The following TRABD variants were observed in gnomAD, a reference collection of about 807,000 sequenced individuals.
The protein encoded by TRABD is traB domain-containing protein.
A neutral mutation model predicts 39.6 loss-of-function variants in TRABD; 23 were observed. The ratio of observed to expected loss-of-function variants is 0.58; its 90% confidence interval spans 0.42 to 0.82. The LOEUF (loss-of-function observed/expected upper bound fraction) is 0.82. Among genes scored for constraint, TRABD ranks in the 40% least tolerant of loss-of-function variants. TRABD has a pLI of 0.00. For synonymous variants in TRABD, 243 were observed against 232.1 expected, an observed-to-expected ratio of 1.05 and a Z score of -0.43; for missense variants, 487 against 544.9, an observed-to-expected ratio of 0.89 and a Z score of 1.06.
chr22:50,190,568 G>A (rs754674851), intron 1 of TRABD: 2 of 152,368 alleles, frequency 1.3e-5, no homozygotes, highest in Non-Finnish European at 2.9e-5. Context: ...CTCCCGCCCG[G>A]CTGCACAGGA....
intron 1 of TRABD, among the ~76,000 whole-genome samples, chr22:50,188,323 G>C (rs1030430236): frequency 6.6e-6 from 1 of 152,156 alleles, no homozygotes; most frequent in South Asian, 2.1e-4. Context: ...GCCCAGACTG[G>C]TCTTAAACTC....
intron 1 of TRABD, among the ~76,000 whole-genome samples, chr22:50,187,853 G>A (rs1183652149): frequency 1.3e-5 from 2 of 152,070 alleles, no homozygotes; most frequent in African/African-American, 4.8e-5. Flanking sequence ...AGTGGCAGGC[G>A]CCTGTAGTCC....
In TRABD at chr22:50,198,571, A is replaced by G; in HGVS notation, c.*52A>G. 6 of 1,448,632 alleles carry G rather than the reference A, an allele frequency of 4.1e-6. No homozygotes were observed. The highest frequency in any genetic ancestry group is 5.4e-6 in the Non-Finnish European group (6 of 1,103,768). The allele number at this position is 1,448,632 out of a possible 1,614,324, so 89.7% of individuals were successfully genotyped here. Reference sequence around the variant, plus strand: ...CCTGAGGAGCCAGTGCCCCCGCGGCACTTCTGGGTGCCAGGTGCATCCTAG... The same window carrying G: ...CCTGAGGAGCCAGTGCCCCCGCGGCGCTTCTGGGTGCCAGGTGCATCCTAG... On this transcript the variant is annotated 3_prime_UTR_variant, in exon 10 of 10. Transcript: ENST00000380909. This position sits in a 1 kb window ranked among gnomAD's most constrained non-coding sequence, Gnocchi z 7.9.
intron 7 of TRABD, 60 bp from the exon 8 acceptor site, chr22:50,197,763 A>AGCCCCCCCCCCCCCCCCCCGGT: frequency 6.9e-7 from 1 of 1,439,780 alleles, no homozygotes; most frequent in Non-Finnish European, 9.7e-7. Flanking sequence ...CCACAGTGCC[A>AGCCCCCCCCCCCCCCCCCCGGT]GCCCCACCCC....
chr22:50,196,220 C>G (rs1300304863), intron 5 of TRABD, among the ~76,000 whole-genome samples: 1 of 152,200 alleles, frequency 6.6e-6, no homozygotes. Context: ...AGCTCAGACC[C>G]CAGCCCCTCC....
At chr22:50,194,767 C>T in intron 4 of TRABD, 133 bp from the exon 5 acceptor site, 1 of 1,355,578 alleles carries the variant, frequency 7.4e-7, no homozygotes, top group Non-Finnish European at 9.9e-7. Context: ...GTCACTGCAG[C>T]AGCGGGGTTA....
chr22:50,191,813 A>T (rs942980672), intron 1 of TRABD: 4 of 152,168 alleles, frequency 2.6e-5, no homozygotes, highest in African/African-American at 9.7e-5. Context: ...GTGCAGTGAC[A>T]GGATCTCGGC....
chr22:50,199,548 C>T lies in TRABD; in HGVS notation c.*1029C>T, dbSNP rs183902725. On this transcript the variant is annotated 3_prime_UTR_variant, in exon 10 of 10. Transcript: ENST00000380909. ...AGCCGGCTGTGTCCTTCCTGCCACACTCGGGGATTCATTCCTTAGAAACTG... is the reference window on the plus strand; with the variant it reads ...AGCCGGCTGTGTCCTTCCTGCCACATTCGGGGATTCATTCCTTAGAAACTG... 1 of 167,116 alleles carries T rather than the reference C, an allele frequency of 6.0e-6. No homozygotes were observed. The highest frequency in any genetic ancestry group is 1.7e-4 in the East Asian group (1 of 5,958). 10.4% of individuals were successfully genotyped at this position (167,116 alleles called of 1,614,324 possible). A position where few individuals can be genotyped will look rare whatever the true frequency, so the allele number is the denominator to read the frequency against.
intron 5 of TRABD, 111 bp downstream of exon 5, chr22:50,195,151 T>C: frequency 7.3e-7 from 1 of 1,360,854 alleles, no homozygotes; most frequent in Non-Finnish European, 9.8e-7. Flanking sequence ...TGGCTGTGCC[T>C]GGCCTGCCCT....
At chr22:50,187,959 A>G (rs1454962569) in intron 1 of TRABD, among the ~76,000 whole-genome samples, 2 of 146,144 alleles carry the variant, frequency 1.4e-5, no homozygotes, top group Admixed American at 6.8e-5. Flanking sequence ...CAGCGTGGGC[A>G]ACAGAGTGTG....
chr22:50,193,512 G>A (rs1444238057), intron 2 of TRABD, 64 bp from the exon 3 acceptor site: 2 of 1,497,612 alleles, frequency 1.3e-6, no homozygotes, highest in Non-Finnish European at 1.9e-6. Flanking sequence ...CCGTGGAGTT[G>A]CCACGGAGCC....
rs1279959582 is a variant in TRABD at position 50,198,666 on chromosome 22, AC to A, written c.*151del. ...CCTCGCCTGCCCTCCTGGGCCAGTC[AC>A]CCCTCCCCCAGCCCACCCAAATAAA... On this transcript the variant is annotated 3_prime_UTR_variant, in exon 10 of 10. Coordinates refer to ENST00000380909, the MANE Select transcript of TRABD (RefSeq NM_001320485.2). This position sits in a 1 kb window ranked among gnomAD's most constrained non-coding sequence, Gnocchi z 7.9. 1.4e-6 allele frequency: 1 copy of A among 722,838 alleles called. No individual in the cohort carries two copies. The allele number at this position is 722,838 out of a possible 1,614,324, so 44.8% of individuals were successfully genotyped here.
Position 50,199,361 on chromosome 22 carries a change from C to G in TRABD, c.*842C>G. 2.2e-6 allele frequency: 1 copy of G among 459,640 alleles called. No homozygotes were observed. The highest frequency in any genetic ancestry group is 3.9e-6 in the Non-Finnish European group (1 of 255,216). The allele number at this position is 459,640 out of a possible 1,614,324, so 28.5% of individuals were successfully genotyped here. ...GAAGGCCAAGGACATGGGCTGTGGC[C>G]AGGCCTGTCCCGCTCAGGCCCCCTG... On this transcript the variant is annotated 3_prime_UTR_variant, in exon 10 of 10. Transcript: ENST00000380909.
chr22:50,197,648 C>T, intron 7 of TRABD, 60 bp downstream of exon 7: 2 of 1,598,724 alleles, frequency 1.3e-6, no homozygotes, highest in South Asian at 1.1e-5. Context: ...GGCTCCAGGC[C>T]CTCCTGTGCA....
Position 50,195,858 on chromosome 22 carries a change from C to A in TRABD, c.420+818C>A, listed in dbSNP as rs1024060910. ...TCAAAGGAAACAATTATAATGAGAT[C>A]TTATAGAAATGTCCCTAAACGTTTG... On this transcript the variant is annotated intron_variant, in intron 5 of 9. Coordinates refer to ENST00000380909, the MANE Select transcript of TRABD (RefSeq NM_001320485.2). Among the ~76,000 whole-genome samples, 4 of 152,284 alleles carry A rather than the reference C, an allele frequency of 2.6e-5. No individual in the cohort carries two copies. The South Asian group carries it at 8.3e-4, about 32-fold the overall frequency.
intron 1 of TRABD, among the ~76,000 whole-genome samples, chr22:50,191,032 C>T (rs1487511114): frequency 1.3e-5 from 2 of 152,224 alleles, no homozygotes; most frequent in Admixed American, 6.5e-5. Context: ...GGAGCGGGCC[C>T]CCCTTGCCCT....
Position 50,196,229 on chromosome 22 carries a change from C to T in TRABD, c.421-1012C>T, listed in dbSNP as rs1569087664. Among the ~76,000 whole-genome samples, 3 of 152,232 alleles carry T rather than the reference C, an allele frequency of 2.0e-5. No individual in the cohort carries two copies. The East Asian group carries it at 5.8e-4, about 29-fold the overall frequency. ...CGTCTGAGCTCAGACCCCAGCCCCTCCAGAGGTGGAGTGGGTCCCAGTGGA... is the reference window on the plus strand; with the variant it reads ...CGTCTGAGCTCAGACCCCAGCCCCTTCAGAGGTGGAGTGGGTCCCAGTGGA... On this transcript the variant is annotated intron_variant, in intron 5 of 9. Transcript: ENST00000380909.
chr22:50,196,835 C>CA (rs1422982845), intron 5 of TRABD: 1 of 163,960 alleles, frequency 6.1e-6, no homozygotes, highest in African/African-American at 2.4e-5. Flanking sequence ...GCTGGGATTA[C>CA]AGGCACCCGC....
intron 2 of TRABD, 130 bp downstream of exon 2, chr22:50,193,223 A>T: frequency 8.4e-7 from 1 of 1,188,186 alleles, no homozygotes; most frequent in Non-Finnish European, 1.1e-6. Context: ...AGGGTCAGGC[A>T]GGAGGCACCT....
Sources: allele counts gnomAD v4.1 joint callset (sites outside exome capture counted in the v4.1 genomes callset), GRCh38; gene constraint gnomAD v4.1.1; non-coding constraint Gnocchi (gnomAD v3.1); transcripts MANE v1.5; gene names NCBI Gene and HGNC (gene_info 2026-07-23, HGNC 2026-07-21).